The following TRDMT1 variants were observed in gnomAD, a reference collection of about 807,000 sequenced individuals.
TRDMT1 encodes the protein tRNA (cytosine(38)-C(5))-methyltransferase.
Under a neutral mutation model 51.2 loss-of-function variants are expected in TRDMT1, and 49 were observed. The observed-to-expected ratio is 0.96, with a 90% confidence interval of 0.76 to 1.21. TRDMT1 has a LOEUF of 1.21. Among genes scored for constraint, TRDMT1 ranks in the 50% most tolerant of loss-of-function variants. The probability of loss-of-function intolerance (pLI) is 0.00; values close to 1 mark genes in which losing one functional copy is unlikely to be tolerated. For missense variants in TRDMT1, 534 were observed against 462.3 expected, an observed-to-expected ratio of 1.16 and a Z score of -1.42; for synonymous variants, 187 against 164.6, an observed-to-expected ratio of 1.14 and a Z score of -1.04.
At position 17,162,158 on chromosome 10, in the gene TRDMT1, G is replaced by C; in HGVS notation, c.323+8C>G. The C allele has an allele frequency of 1.9e-6, 3 of 1,599,642 alleles. No homozygotes were observed. The highest frequency in any genetic ancestry group is 2.6e-6 in the Non-Finnish European group (3 of 1,173,692). On this transcript the variant is annotated splice_region_variant and intron_variant, in intron 4 of 10. Transcript: ENST00000377799. ...AAGGTAAGCTTGTACAGGAACCTAAGTTTTTACCTTGGGAGAATATCTAGA... is the reference window on the plus strand; with the variant it reads ...AAGGTAAGCTTGTACAGGAACCTAACTTTTTACCTTGGGAGAATATCTAGA...
chr10:17,157,874 C>T (rs370982502), intron 7 of TRDMT1, 90 bp from the exon 8 acceptor site: 4 of 946,792 alleles, frequency 4.2e-6, no homozygotes, highest in South Asian at 1.8e-5. Flanking sequence ...CGAAAACAAC[C>T]TCATTAGCCT....
intron 2 of TRDMT1, chr10:17,171,506 A>T (rs1403012636): frequency 6.6e-6 from 1 of 152,264 alleles, no homozygotes; most frequent in Admixed American, 6.5e-5. Context: ...CACCACTGTA[A>T]GTGAGTGAAG....
chr10:17,149,078 G>T lies in TRDMT1; in HGVS notation c.1138C>A (p.His380Asn), dbSNP rs1441755763. The T allele has an allele frequency of 1.2e-6, 2 of 1,611,032 alleles. No individual in the cohort carries two copies. The highest frequency in any genetic ancestry group is 3.3e-5 in the Admixed American group (2 of 59,794). ...ATTTTGATTAGTTTAGCTACTACAT[G>T]CACGTTGAGACTATTTCCAAGTAGG... ...YRLLGNSLNV[H>N]VVAKLIKILY... is the part of the protein sequence containing the mutation. The change falls in exon 11 of 11, where the codon CAT becomes AAT. Residue 380 changes from histidine to asparagine, a missense_variant. Physicochemically the swap from His to Asn is moderately conservative, Grantham distance 68. Transcript: ENST00000377799.
At chr10:17,153,750 G>T (rs1434953570) in intron 9 of TRDMT1, 114 bp from the exon 10 acceptor site, 16 of 1,114,124 alleles carry the variant, frequency 1.4e-5, no homozygotes, top group Non-Finnish European at 1.6e-5. Context: ...ACACACAGTG[G>T]CAAAGTGCAC....
intron 1 of TRDMT1, 42 bp from the exon 2 acceptor site, chr10:17,174,702 A>T (rs1040069572): frequency 1.4e-6 from 2 of 1,391,878 alleles, no homozygotes; most frequent in African/African-American, 2.9e-5. Context: ...AAAGTCCTTA[A>T]GTTCATTATA....
At chr10:17,193,094 T>C (rs1039782030) in intron 1 of TRDMT1, among the ~76,000 whole-genome samples, 4 of 152,172 alleles carry the variant, frequency 2.6e-5, no homozygotes, top group East Asian at 3.9e-4. Flanking sequence ...CCAGGCACAG[T>C]GGCTCACACC....
At position 17,157,642 on chromosome 10, in the gene TRDMT1, A is replaced by C. The variant is rs1288211808; in HGVS notation, c.686T>G (p.Leu229Arg). ...TTCTTCTGCAGTTTCAAGCTTAAAA[A>C]GAATGGCATCTTTTCCAGAACACTG... ...SIQCSGKDAI[L>R]FKLETAEEIH... Residue 229 changes from leucine (L) to arginine (R), a missense_variant, in exon 8 of 11, where the codon CTT becomes CGT. Transcript: ENST00000377799. 6.2e-7 allele frequency: 1 copy of C among 1,613,804 alleles called. No homozygotes were observed. Among genetic ancestry groups the C allele is most frequent in the Non-Finnish European group, 8.5e-7 (1 of 1,179,832 alleles).
chr10:17,155,166 A>G (rs1839327984), intron 8 of TRDMT1, among the ~76,000 whole-genome samples: 1 of 152,148 alleles, frequency 6.6e-6, no homozygotes, highest in Non-Finnish European at 1.5e-5. Flanking sequence ...GTGAGCCAAG[A>G]TCACGCCACT....
chr10:17,161,428 C>G, intron 5 of TRDMT1, 55 bp downstream of exon 5: 3 of 1,225,774 alleles, frequency 2.4e-6, no homozygotes, highest in Non-Finnish European at 3.2e-6. Context: ...ACAACAGTTC[C>G]TACTATAAGA....
chr10:17,149,194 G>A, intron 10 of TRDMT1, 54 bp from the exon 11 acceptor site: 1 of 1,379,188 alleles, frequency 7.3e-7, no homozygotes, highest in East Asian at 2.3e-5. Flanking sequence ...AATTTCCAGA[G>A]ATGAAAGGAT....
At chr10:17,171,674 T>G (rs1842043814) in intron 2 of TRDMT1, 1 of 152,234 alleles carries the variant, frequency 6.6e-6, no homozygotes, top group African/African-American at 2.4e-5. Flanking sequence ...AGACATATTT[T>G]TTGTGTCTCA....
intron 3 of TRDMT1, among the ~76,000 whole-genome samples, chr10:17,165,868 A>G (rs2131463825): frequency 2.0e-5 from 3 of 152,300 alleles, no homozygotes; most frequent in Middle Eastern, 3.4e-3. Context: ...AACTCAGGAA[A>G]CAACAGGTGC....
At chr10:17,183,844 A>G (rs1049433876) in intron 1 of TRDMT1, among the ~76,000 whole-genome samples, 2 of 152,260 alleles carry the variant, frequency 1.3e-5, no homozygotes, top group African/African-American at 4.8e-5. Context: ...ACAAGGTCAG[A>G]CAAGAAAGGT....
Position 17,185,620 on chromosome 10 carries a change from C to T in TRDMT1, c.65-10960G>A, listed in dbSNP as rs539388789. The stretch of plus-strand genomic sequence containing the variant: ...GACACATGCACACGTATGTTTATTG[C>T]GGCACTATTCACAATAGCAAAGACT... On this transcript the variant is annotated intron_variant, in intron 1 of 10. Coordinates refer to ENST00000377799, the MANE Select transcript of TRDMT1 (RefSeq NM_004412.7). 9.1e-3 allele frequency among the ~76,000 whole-genome samples: 1,385 copies of T among 152,186 alleles called. 12 individuals carry two copies. The highest frequency in any genetic ancestry group is 0.034 in the Middle Eastern group (10 of 294).
chr10:17,151,008 TGTGTGTGTGTGTG>T (rs1838634722), intron 10 of TRDMT1: 1 of 934,036 alleles, frequency 1.1e-6, no homozygotes, highest in African/African-American at 1.8e-5. Flanking sequence ...TGTGTGTGCA[TGTGTGTGTGTGTG>T]CGTGCATCTG....
intron 1 of TRDMT1, among the ~76,000 whole-genome samples, chr10:17,200,928 A>G (rs1392474131): frequency 2.0e-5 from 3 of 152,200 alleles, no homozygotes; most frequent in African/African-American, 7.2e-5. Context: ...AAAACCAGGA[A>G]ACAGGTTCAT....
chr10:17,181,699 T>C (rs930406707), intron 1 of TRDMT1, among the ~76,000 whole-genome samples: 4 of 129,326 alleles, frequency 3.1e-5, no homozygotes, highest in Non-Finnish European at 6.8e-5. Flanking sequence ...ACACCTACAA[T>C]GAAGTTCCCA....
Position 17,138,932 on chromosome 10 carries a change from A to T in TRDMT1, c.*10108T>A, listed in dbSNP as rs192032194. On this transcript the variant is annotated 3_prime_UTR_variant, in exon 11 of 11. Coordinates refer to ENST00000377799, the MANE Select transcript of TRDMT1 (RefSeq NM_004412.7). ...ACACACAGCTTCCTAATTGTAACTC[A>T]AGCAAATGTTACAGAAAACATAAAA... Among the ~76,000 whole-genome samples, 3 of 152,318 alleles carry T rather than the reference A, an allele frequency of 2.0e-5. No homozygotes were observed. The highest frequency in any genetic ancestry group is 6.5e-5 in the Admixed American group (1 of 15,296).
chr10:17,144,808 C>T lies in TRDMT1; in HGVS notation c.*4232G>A. 3.0e-6 allele frequency: 3 copies of T among 984,750 alleles called. No individual in the cohort carries two copies. The highest frequency in any genetic ancestry group is 4.7e-5 in the South Asian group (1 of 21,252). The allele number at this position is 984,750 out of a possible 1,614,324, so 61.0% of individuals were successfully genotyped here. A position where few individuals can be genotyped will look rare whatever the true frequency, so the allele number is the denominator to read the frequency against. On this transcript the variant is annotated 3_prime_UTR_variant, in exon 11 of 11. Transcript: ENST00000377799. ...CTAGAAACAACAACAACAAAAAATA[C>T]TTTTTCTTTTTTTTTTTAAACTGAA...
Sources: gnomAD v4.1 joint callset for allele counts (sites outside exome capture counted in the v4.1 genomes callset) on GRCh38, gnomAD v4.1.1 for gene constraint, MANE v1.5 for transcripts, NCBI Gene and HGNC (gene_info 2026-07-23, HGNC 2026-07-21) for gene names.